GAR1: variants seen among roughly 807,000 people sequenced by gnomAD.
GAR1 encodes H/ACA ribonucleoprotein complex subunit 1.
GAR1 carries 11 observed loss-of-function variants against 29.3 expected under a neutral mutation model. That is an observed-to-expected ratio of 0.38 (90% CI 0.24 to 0.62). The LOEUF (loss-of-function observed/expected upper bound fraction) is 0.62, where lower values mean the gene tolerates loss of function less well. GAR1 is among the 20% of genes least tolerant of loss of function. The pLI is 0.62. For synonymous variants in GAR1, 87 were observed against 93.3 expected (o/e 0.93, Z 0.39); for missense variants, 237 against 268.4 (o/e 0.88, Z 0.82).
Position 109,816,215 on chromosome 4 carries a change from TGGC to T in GAR1, c.55_57del (p.Gly19del). ...GAGGCTTTAATCGAGGTGGTGGAGG[TGGC>T]GGCTTCAACCGAGGTGGCAGCAGCA... On this transcript the variant is annotated inframe_deletion, in exon 2 of 7. Transcript: ENST00000226796. 1 of 1,609,660 alleles carries T rather than the reference TGGC, an allele frequency of 6.2e-7. No homozygotes were observed. Among genetic ancestry groups the T allele is most frequent in the East Asian group, 2.2e-5 (1 of 44,792 alleles).
upstream of GAR1, chr4:109,815,755 C>T (rs1023025478): frequency 5.3e-6 from 1 of 190,050 alleles, no homozygotes; most frequent in African/African-American, 2.4e-5. Context: ...GGAAGTACCC[C>T]GCGGGTGGGT....
intron 4 of GAR1, among the ~76,000 whole-genome samples, chr4:109,820,870 C>G (rs1284494009): frequency 6.6e-6 from 1 of 151,524 alleles, no homozygotes; most frequent in East Asian, 1.9e-4. Context: ...CTGTTGAGCC[C>G]AGAAAGAAAC....
intron 2 of GAR1, among the ~76,000 whole-genome samples, chr4:109,817,259 G>T (rs865786638): frequency 1.3e-5 from 2 of 152,198 alleles, no homozygotes; most frequent in African/African-American, 4.8e-5. Context: ...AAAATCGGTA[G>T]AACTTAGCTA....
At chr4:109,819,298 C>G (rs933614832) in intron 4 of GAR1, 1 of 498,756 alleles carries the variant, frequency 2.0e-6, no homozygotes, top group Admixed American at 3.7e-5. Context: ...CTGTAAACTG[C>G]TAGAGTAAGA....
At chr4:109,820,530 A>G (rs922018192) in intron 4 of GAR1, among the ~76,000 whole-genome samples, 1 of 152,172 alleles carries the variant, frequency 6.6e-6, no homozygotes, top group Non-Finnish European at 1.5e-5. Flanking sequence ...CACCTCCTAA[A>G]ACTAAAGGTC....
intron 2 of GAR1, among the ~76,000 whole-genome samples, chr4:109,817,453 A>T (rs1025998882): frequency 1.3e-5 from 2 of 152,092 alleles, no homozygotes; most frequent in African/African-American, 4.8e-5. Context: ...TGGGAATGGA[A>T]AAGTTCTAAG....
intron 6 of GAR1, 56 bp downstream of exon 6, chr4:109,824,089 G>A: frequency 8.5e-7 from 1 of 1,169,972 alleles, no homozygotes; most frequent in Non-Finnish European, 1.3e-6. Context: ...ATATTATCTG[G>A]CATTTTCTGT....
At chr4:109,823,406 T>G (rs765942694) in intron 5 of GAR1, among the ~76,000 whole-genome samples, 2 of 152,244 alleles carry the variant, frequency 1.3e-5, no homozygotes, top group Non-Finnish European at 2.9e-5. Flanking sequence ...GAGAATTTGA[T>G]GAACAGAGAT....
In GAR1 at chr4:109,816,204, G is replaced by A. The variant is rs750692346; in HGVS notation, c.40G>A (p.Gly14Ser). The part of the protein sequence containing the change: ...RGGGRGGFNR[G>S]GGGGGFNRGG... ...CGGAGGTCGTGGAGGCTTTAATCGAGGTGGTGGAGGTGGCGGCTTCAACCG... is the reference window on the plus strand; with the variant it reads ...CGGAGGTCGTGGAGGCTTTAATCGAAGTGGTGGAGGTGGCGGCTTCAACCG... The change falls in exon 2 of 7, where the codon GGT becomes AGT. Residue 14 changes from glycine to serine, a missense_variant. By Grantham distance (56) the Gly-to-Ser change is moderately conservative. Transcript: ENST00000226796. 5 of 1,612,668 alleles carry A rather than the reference G, an allele frequency of 3.1e-6. No individual in the cohort carries two copies. Among genetic ancestry groups the A allele is most frequent in the Non-Finnish European group, 4.2e-6 (5 of 1,179,886 alleles).
intron 2 of GAR1, among the ~76,000 whole-genome samples, chr4:109,817,682 T>G (rs575049238): frequency 5.9e-5 from 9 of 152,308 alleles, no homozygotes; most frequent in African/African-American, 2.2e-4. Flanking sequence ...TAGCTATACA[T>G]TATATGTTAT....
rs1733336561 is a variant in GAR1, at chr4:109,815,945, G to A, written c.-13+141G>A. The A allele has an allele frequency of 8.1e-6, 5 of 614,634 alleles. No homozygotes were observed. In the South Asian group the frequency reaches 9.7e-5, roughly 12 times the overall value. The allele number at this position is 614,634 out of a possible 1,614,324, so 38.1% of individuals were successfully genotyped here. On this transcript the variant is annotated intron_variant, in intron 1 of 6. Transcript: ENST00000226796. ...GAGATACTAATCATGGGGCGGCAAG[G>A]GTGGTGTGTGGTCGGTCGGCGCTCA...
intron 5 of GAR1, 100 bp downstream of exon 5, chr4:109,822,588 G>A (rs1014745014): frequency 1.6e-6 from 2 of 1,248,548 alleles, no homozygotes; most frequent in South Asian, 4.0e-5. Flanking sequence ...CCTCCCTTAT[G>A]GTTCTTTTTA....
chr4:109,820,789 A>G (rs1471896336), intron 4 of GAR1, among the ~76,000 whole-genome samples: 1 of 152,146 alleles, frequency 6.6e-6, no homozygotes, highest in Admixed American at 6.5e-5. Flanking sequence ...GCTTGTTGTC[A>G]GCATATGGCT....
intron 2 of GAR1, 62 bp downstream of exon 2, chr4:109,816,440 G>C: frequency 6.7e-7 from 1 of 1,502,266 alleles, no homozygotes; most frequent in Admixed American, 1.7e-5. Context: ...GGTTTGTGTT[G>C]TTAGGCAGCA....
rs10365 is a variant in GAR1 at position 109,824,698 on chromosome 4, C to G, written c.*267C>G. ...AATGGATAGGAGTTTTCATTTGAAG[C>G]ATATTTGAATTTTTAAAATAAAGTG... On this transcript the variant is annotated 3_prime_UTR_variant, in exon 7 of 7. Transcript: ENST00000226796. The G allele has an allele frequency of 0.58, 205,341 of 353,208 alleles. 61,357 individuals are homozygous for G. Among genetic ancestry groups the G allele is most frequent in the Non-Finnish European group, 0.65 (126,523 of 195,900 alleles). The allele number at this position is 353,208 out of a possible 1,614,324, so 21.9% of individuals were successfully genotyped here.
intron 4 of GAR1, among the ~76,000 whole-genome samples, chr4:109,820,800 A>G (rs1029398532): frequency 3.3e-5 from 5 of 152,136 alleles, no homozygotes; most frequent in African/African-American, 9.7e-5. Flanking sequence ...GCATATGGCT[A>G]CTAGTTGTAG....
In GAR1 at chr4:109,819,015, G is replaced by A. The variant is rs747213110; in HGVS notation, c.384G>A (p.Lys128=). The change falls in exon 4 of 7, where the codon AAG becomes AAA. Residue 128 remains lysine (K), a synonymous_variant. Transcript: ENST00000226796. ...GAAAATAATAGTATTTTTCAGTTAA[G>A]TTGTCAGAAAACATGAAGGCTTCAT... ...GQLRDFYFSV[K]LSENMKASSF... 7.1e-7 allele frequency: 1 copy of A among 1,400,320 alleles called. No homozygotes were observed. The highest frequency in any genetic ancestry group is 1.0e-6 in the Non-Finnish European group (1 of 997,694). 86.7% of individuals were successfully genotyped at this position (1,400,320 alleles called of 1,614,324 possible). A position where few individuals can be genotyped will look rare whatever the true frequency, so the allele number is the denominator to read the frequency against.
intron 2 of GAR1, among the ~76,000 whole-genome samples, chr4:109,816,804 G>A (rs1250712843): frequency 2.0e-5 from 3 of 152,140 alleles, no homozygotes; most frequent in Non-Finnish European, 4.4e-5. Context: ...GACCAGCCTG[G>A]ATAATAAAGC....
At chr4:109,820,428 G>C (rs534682604) in intron 4 of GAR1, among the ~76,000 whole-genome samples, 2 of 152,216 alleles carry the variant, frequency 1.3e-5, no homozygotes, top group Admixed American at 6.5e-5. Flanking sequence ...ACTGGAAATA[G>C]AATTGGGAAT....
Sources: gnomAD v4.1 joint callset for allele counts (sites outside exome capture counted in the v4.1 genomes callset) on GRCh38, gnomAD v4.1.1 for gene constraint, MANE v1.5 for transcripts, NCBI Gene and HGNC (gene_info 2026-07-23, HGNC 2026-07-21) for gene names.